CALHM6: variants seen among roughly 807,000 people sequenced by gnomAD.
CALHM6 encodes the protein calcium homeostasis modulator family member 6.
Under a neutral mutation model 12.7 loss-of-function variants are expected in CALHM6, and 15 were observed. The observed-to-expected ratio is 1.18, with a 90% CI of 0.79 to 1.82. The LOEUF (loss-of-function observed/expected upper bound fraction) is 1.82. Among genes scored for constraint, CALHM6 ranks in the 40% most tolerant of loss-of-function variants. The pLI is 0.00. For synonymous variants in CALHM6, 212 were observed against 193.7 expected (o/e 1.09, Z -0.78); for missense variants, 434 against 421.0 (o/e 1.03, Z -0.27).
In CALHM6 at chr6:116,462,370, C is replaced by G. The variant is rs2115129025; in HGVS notation, c.441C>G (p.Ala147=). The change falls in exon 2 of 3, where the codon GCC becomes GCG. Residue 147 remains alanine, a synonymous_variant. Transcript: ENST00000368605. The part of the protein sequence containing the change: ...RLCLGRNRSC[A]AELPLVPCNQ... ...GCCTCGGCCGCAACCGCAGCTGCGC[C>G]GCGGAGCTGCCGCTGGTGCCGTGCA... is the stretch of plus-strand genomic sequence containing the variant. The G allele has an allele frequency of 6.9e-7, 1 of 1,456,104 alleles. No homozygotes were observed. Among genetic ancestry groups the G allele is most frequent in the East Asian group, 3.0e-5 (1 of 33,558 alleles). 90.2% of individuals were successfully genotyped at this position (1,456,104 alleles called of 1,614,324 possible).
chr6:116,462,195 G>C lies in CALHM6; in HGVS notation c.266G>C (p.Cys89Ser), dbSNP rs1408783434. The C allele has an allele frequency of 6.6e-7, 1 of 1,507,106 alleles. No individual in the cohort carries two copies. The allele number at this position is 1,507,106 out of a possible 1,614,324, so 93.4% of individuals were successfully genotyped here. A position where few individuals can be genotyped will look rare whatever the true frequency, so the allele number is the denominator to read the frequency against. ...TGCTGCTCCAGCGCCCGCGCGAGTT[G>C]CGGATCGGCGCTGCGCGGCTCCCTG... ...TGCCSSARAS[C>S]GSALRGSLVC... Residue 89 changes from cysteine to serine, a missense_variant, in exon 2 of 3, where the codon TGC (cysteine) becomes TCC (serine). Cys to Ser is a moderately radical substitution (Grantham distance 112). Transcript: ENST00000368605.
chr6:116,462,125 C>T lies in CALHM6; in HGVS notation c.196C>T (p.Leu66=), dbSNP rs1244649405. ...LLVPALALFL[L]GYVLSARTWR... is the part of the protein sequence containing the mutation. ...GGTGCCGGCGCTCGCGCTCTTCCTC[C>T]TGGGCTACGTGCTGAGCGCACGCAC... Residue 66 remains leucine (L), a synonymous_variant, in exon 2 of 3, where the codon CTG becomes TTG. Transcript: ENST00000368605. The T allele has an allele frequency of 3.2e-6, 5 of 1,540,178 alleles. No homozygotes were observed. The highest frequency in any genetic ancestry group is 4.4e-6 in the Non-Finnish European group (5 of 1,145,972).
At position 116,463,499 on chromosome 6, in the gene CALHM6, G is replaced by A; in HGVS notation, c.742G>A (p.Glu248Lys). 6.2e-7 allele frequency: 1 copy of A among 1,614,148 alleles called. No homozygotes were observed. Among genetic ancestry groups the A allele is most frequent in the Non-Finnish European group, 8.5e-7 (1 of 1,180,012 alleles). Residue 248 changes from glutamate to lysine, a missense_variant, in exon 3 of 3, where the codon GAA (glutamate) becomes AAA (lysine). Coordinates refer to ENST00000368605, the MANE Select transcript of CALHM6 (RefSeq NM_001010919.3). ...KCFFEGSHPK[E>K]YNTPSMKEWQ... Reference sequence around the variant, plus strand: ...TTTCTTTGAGGGCTCGCATCCAAAAGAATATAACACTCCAAGCATGAAAGA... The same window carrying A: ...TTTCTTTGAGGGCTCGCATCCAAAAAAATATAACACTCCAAGCATGAAAGA...
At position 116,462,376 on chromosome 6, in the gene CALHM6, G is replaced by GCTGCCGCTGGTGCCGTGCAA; in HGVS notation, c.449_468dup (p.Gln157CysfsTer18). On this transcript the variant is annotated frameshift_variant, in exon 2 of 3. Coordinates refer to ENST00000368605, the MANE Select transcript of CALHM6 (RefSeq NM_001010919.3). LOFTEE classifies it high-confidence loss of function. ...GCCGCAACCGCAGCTGCGCCGCGGA[G>GCTGCCGCTGGTGCCGTGCAA]CTGCCGCTGGTGCCGTGCAACCAGG... 2 of 1,460,554 alleles carry GCTGCCGCTGGTGCCGTGCAA rather than the reference G, an allele frequency of 1.4e-6. No individual in the cohort carries two copies. The highest frequency in any genetic ancestry group is 1.8e-6 in the Non-Finnish European group (2 of 1,110,320). The allele number at this position is 1,460,554 out of a possible 1,614,324, so 90.5% of individuals were successfully genotyped here.
intron 1 of CALHM6, 105 bp downstream of exon 1, chr6:116,461,534 C>A: frequency 8.8e-7 from 1 of 1,140,702 alleles, no homozygotes; most frequent in South Asian, 1.3e-5. Context: ...GTTTTTCCAA[C>A]TGGCGGCCGT....
At position 116,462,364 on chromosome 6, in the gene CALHM6, C is replaced by A; in HGVS notation, c.435C>A (p.Ser145Arg). ...AQRLCLGRNRSCAAELPLVPC... is the reference protein window; with the variant it reads ...AQRLCLGRNRRCAAELPLVPC... Reference sequence around the variant, plus strand: ...GCCTGTGCCTCGGCCGCAACCGCAGCTGCGCCGCGGAGCTGCCGCTGGTGC... The same window carrying A: ...GCCTGTGCCTCGGCCGCAACCGCAGATGCGCCGCGGAGCTGCCGCTGGTGC... Residue 145 changes from serine (S) to arginine (R), a missense_variant, in exon 2 of 3, where the codon AGC becomes AGA. Coordinates refer to ENST00000368605, the MANE Select transcript of CALHM6 (RefSeq NM_001010919.3). 6.9e-7 allele frequency: 1 copy of A among 1,453,854 alleles called. No homozygotes were observed. Among genetic ancestry groups the A allele is most frequent in the Non-Finnish European group, 9.0e-7 (1 of 1,108,058 alleles). 90.1% of individuals were successfully genotyped at this position (1,453,854 alleles called of 1,614,324 possible).
chr6:116,463,561 G>C lies in CALHM6; in HGVS notation c.804G>C (p.Pro268=). 6.2e-7 allele frequency: 1 copy of C among 1,614,108 alleles called. No individual in the cohort carries two copies. The highest frequency in any genetic ancestry group is 8.5e-7 in the Non-Finnish European group (1 of 1,180,010). ...QQISSLYTFN[P]KGQYYSMLHK... ...TTTCATCACTGTATACTTTCAATCCGAAGGGCCAGTACTACAGCATGTTGC... is the reference window on the plus strand; with the variant it reads ...TTTCATCACTGTATACTTTCAATCCCAAGGGCCAGTACTACAGCATGTTGC... The change falls in exon 3 of 3, where the codon CCG becomes CCC. Residue 268 remains proline, a synonymous_variant. Transcript: ENST00000368605.
Position 116,461,944 on chromosome 6 carries a change from G to C in CALHM6, c.15G>C (p.Arg5=). 1 of 1,518,542 alleles carries C rather than the reference G, an allele frequency of 6.6e-7. No individual in the cohort carries two copies. The highest frequency in any genetic ancestry group is 8.9e-7 in the Non-Finnish European group (1 of 1,126,732). The allele number at this position is 1,518,542 out of a possible 1,614,324, so 94.1% of individuals were successfully genotyped here. A position where few individuals can be genotyped will look rare whatever the true frequency, so the allele number is the denominator to read the frequency against. MEKF[R]AVLDLHVKHH... ...GGACGAGGCTCATGGAGAAGTTTCG[G>C]GCGGTGCTGGACCTGCACGTCAAGC... The change falls in exon 2 of 3, where the codon CGG becomes CGC. Residue 5 remains arginine, a synonymous_variant. Transcript: ENST00000368605.
chr6:116,462,508 C>T, intron 2 of CALHM6, 54 bp downstream of exon 2: 1 of 1,341,152 alleles, frequency 7.5e-7, no homozygotes, highest in Non-Finnish European at 1.0e-6. Flanking sequence ...CGAGCTTTCT[C>T]AGGGCCGCTG....
At position 116,462,410 on chromosome 6, in the gene CALHM6, T is replaced by A; in HGVS notation, c.481T>A (p.Ser161Thr). ...GGTGCCGTGCAACCAGGCCAAGGCGTCGGACGTGCAGGACCTCCTGAAGGA... is the reference window on the plus strand; with the variant it reads ...GGTGCCGTGCAACCAGGCCAAGGCGACGGACGTGCAGGACCTCCTGAAGGA... The part of the protein sequence containing the change: ...PLVPCNQAKA[S>T]DVQDLLKDLK... The change falls in exon 2 of 3, where the codon TCG becomes ACG. Residue 161 changes from serine to threonine, a missense_variant. Coordinates refer to ENST00000368605, the MANE Select transcript of CALHM6 (RefSeq NM_001010919.3). 1 of 1,493,338 alleles carries A rather than the reference T, an allele frequency of 6.7e-7. No homozygotes were observed. The highest frequency in any genetic ancestry group is 1.3e-5 in the South Asian group (1 of 79,304). The allele number at this position is 1,493,338 out of a possible 1,614,324, so 92.5% of individuals were successfully genotyped here.
At chr6:116,462,546 T>C (rs1784802589) in intron 2 of CALHM6, 92 bp downstream of exon 2, 2 of 864,306 alleles carry the variant, frequency 2.3e-6, no homozygotes, top group Non-Finnish European at 1.7e-6. Context: ...GTGACTTTTC[T>C]CCAGATATAC....
At position 116,462,399 on chromosome 6, in the gene CALHM6, AG is replaced by A; in HGVS notation, c.472del (p.Ala158ProfsTer10). The A allele has an allele frequency of 8.8e-6, 13 of 1,478,640 alleles. No individual in the cohort carries two copies. Among genetic ancestry groups the A allele is most frequent in the Non-Finnish European group, 1.2e-5 (13 of 1,116,596 alleles). The allele number at this position is 1,478,640 out of a possible 1,614,324, so 91.6% of individuals were successfully genotyped here. On this transcript the variant is annotated frameshift_variant, in exon 2 of 3. Coordinates refer to ENST00000368605, the MANE Select transcript of CALHM6 (RefSeq NM_001010919.3). LOFTEE classifies it high-confidence loss of function. ...AAELPLVPCN[Q>X]AKASDVQDLL... ...GAGCTGCCGCTGGTGCCGTGCAACC[AG>A]GCCAAGGCGTCGGACGTGCAGGACC... is the stretch of plus-strand genomic sequence containing the variant.
Position 116,463,350 on chromosome 6 carries a change from G to A in CALHM6, c.593G>A (p.Cys198Tyr), listed in dbSNP as rs772663103. Residue 198 changes from cysteine (C) to tyrosine (Y), a missense_variant, in exon 3 of 3, where the codon TGC becomes TAC. Coordinates refer to ENST00000368605, the MANE Select transcript of CALHM6 (RefSeq NM_001010919.3). ...ILLIFTSVTR[C>Y]LSPVSFLQLK... ...CTGATTTTTACATCTGTCACCCGAT[G>A]CCTATCTCCAGTTAGTTTTCTGCAG... 3 of 1,614,034 alleles carry A rather than the reference G, an allele frequency of 1.9e-6. No homozygotes were observed. Among genetic ancestry groups the A allele is most frequent in the Admixed American group, 3.3e-5 (2 of 60,020 alleles).
At position 116,463,587 on chromosome 6, in the gene CALHM6, A is replaced by C. The variant is rs141716223; in HGVS notation, c.830A>C (p.His277Pro). ...NPKGQYYSMLHKYVNRKEKTH... is the reference protein window; with the variant it reads ...NPKGQYYSMLPKYVNRKEKTH... ...AAGGGCCAGTACTACAGCATGTTGC[A>C]CAAATATGTCAACAGAAAAGAGAAG... The change falls in exon 3 of 3, where the codon CAC becomes CCC. Residue 277 changes from histidine to proline, a missense_variant. Physicochemically the swap from His to Pro is moderately conservative, Grantham distance 77. Transcript: ENST00000368605. 2.8e-5 allele frequency: 45 copies of C among 1,614,058 alleles called. No individual in the cohort carries two copies. In the African/African-American group the frequency reaches 5.5e-4, roughly 20 times the overall value.
chr6:116,463,595 G>A lies in CALHM6; in HGVS notation c.838G>A (p.Val280Ile), dbSNP rs751664789. The change falls in exon 3 of 3, where the codon GTC (valine) becomes ATC (isoleucine). Residue 280 changes from valine to isoleucine, a missense_variant. Transcript: ENST00000368605. ...GQYYSMLHKYVNRKEKTHSIR... is the reference protein window; with the variant it reads ...GQYYSMLHKYINRKEKTHSIR... The stretch of plus-strand genomic sequence containing the variant: ...GTACTACAGCATGTTGCACAAATAT[G>A]TCAACAGAAAAGAGAAGACTCACAG... 1.2e-6 allele frequency: 2 copies of A among 1,613,920 alleles called. No homozygotes were observed. Among genetic ancestry groups the A allele is most frequent in the African/African-American group, 2.7e-5 (2 of 74,910 alleles).
intron 2 of CALHM6, 150 bp downstream of exon 2, chr6:116,462,604 C>T (rs1414504496): frequency 1.9e-6 from 1 of 519,668 alleles, no homozygotes; most frequent in Middle Eastern, 2.9e-4. Flanking sequence ...AATTTGCCGT[C>T]AAGAGAATAT....
At chr6:116,463,771 A>AT, downstream of CALHM6, 1 of 1,286,230 alleles carries the variant, frequency 7.8e-7, no homozygotes, top group South Asian at 1.7e-5. Flanking sequence ...AAACATTGGT[A>AT]TTTTTTGAGT....
rs766800240 is a variant in CALHM6, at chr6:116,461,899, C to T, written c.-31C>T. On this transcript the variant is annotated 5_prime_UTR_variant, in exon 2 of 3. Coordinates refer to ENST00000368605, the MANE Select transcript of CALHM6 (RefSeq NM_001010919.3). ...CAACGAAGAGGCAGAAGGATCTGGG[C>T]CTGTGCGCGACGCCCCGGGGGACGA... The T allele has an allele frequency of 6.1e-6, 9 of 1,477,552 alleles. No homozygotes were observed. In the African/African-American group the frequency reaches 8.5e-5, roughly 14 times the overall value. The allele number at this position is 1,477,552 out of a possible 1,614,324, so 91.5% of individuals were successfully genotyped here. A position where few individuals can be genotyped will look rare whatever the true frequency, so the allele number is the denominator to read the frequency against.
chr6:116,461,486 T>A lies in CALHM6; in HGVS notation c.-59+57T>A, dbSNP rs755101040. On this transcript the variant is annotated intron_variant, in intron 1 of 2. Transcript: ENST00000368605. ...TTTTACTGTGATCTGGCTTAGTAACTAGGGTGGCTGCAATAGAGGAAAATC... is the reference window on the plus strand; with the variant it reads ...TTTTACTGTGATCTGGCTTAGTAACAAGGGTGGCTGCAATAGAGGAAAATC... 9.9e-5 allele frequency: 147 copies of A among 1,488,138 alleles called. 1 individual carries two copies. Among genetic ancestry groups the A allele is most frequent in the Non-Finnish European group, 1.2e-4 (136 of 1,090,392 alleles). 92.2% of individuals were successfully genotyped at this position (1,488,138 alleles called of 1,614,324 possible).
Sources: allele counts gnomAD v4.1 joint callset, GRCh38; gene constraint gnomAD v4.1.1; transcripts MANE v1.5; gene names NCBI Gene and HGNC (gene_info 2026-07-23, HGNC 2026-07-21).